The following MAP2K5 variants were observed in gnomAD, a reference collection of about 807,000 sequenced individuals.
MAP2K5 encodes the protein mitogen-activated protein kinase kinase 5.
Under a neutral mutation model 83.1 loss-of-function variants are expected in MAP2K5, and 49 were observed. The observed-to-expected ratio is 0.59, with a 90% CI of 0.47 to 0.75. MAP2K5 has a LOEUF of 0.75. MAP2K5 is among the 30% of genes least tolerant of loss of function. MAP2K5 has a pLI of 0.00. For missense variants in MAP2K5, 457 were observed against 557.5 expected, an observed-to-expected ratio of 0.82 and a Z score of 1.82; for synonymous variants, 202 against 191.8, an observed-to-expected ratio of 1.05 and a Z score of -0.44.
chr15:67,553,129 T>C (rs1173967641), intron 2 of MAP2K5, among the ~76,000 whole-genome samples: 1 of 152,140 alleles, frequency 6.6e-6, no homozygotes, highest in African/African-American at 2.4e-5. Flanking sequence ...TTGCCTAAGT[T>C]GTTAGTAATC....
At chr15:67,683,395 C>T (rs957151048) in intron 13 of MAP2K5, among the ~76,000 whole-genome samples, 2 of 152,088 alleles carry the variant, frequency 1.3e-5, no homozygotes, top group Non-Finnish European at 2.9e-5. Flanking sequence ...ATCTACATTA[C>T]CTTAAAAAAG....
rs1393079430 is a variant in MAP2K5, at chr15:67,562,106, T to C, written c.185-1177T>C. 6.6e-6 allele frequency among the ~76,000 whole-genome samples: 1 copy of C among 152,244 alleles called. No individual in the cohort carries two copies. The highest frequency in any genetic ancestry group is 2.4e-5 in the African/African-American group (1 of 41,468). On this transcript the variant is annotated intron_variant, in intron 2 of 21. Coordinates refer to ENST00000178640, the MANE Select transcript of MAP2K5 (RefSeq NM_145160.3). The surrounding 1 kb of genome is among the most constrained non-coding windows in gnomAD (Gnocchi z 4.1). ...TAATTCCGATTGTTAACACCAGAACTGAGGCATCCTGCTGAGAGCCTGCCC... is the reference window on the plus strand; with the variant it reads ...TAATTCCGATTGTTAACACCAGAACCGAGGCATCCTGCTGAGAGCCTGCCC...
In MAP2K5 at chr15:67,785,673, C is replaced by A. The variant is rs1218402740; in HGVS notation, c.1242+12921C>A. Among the ~76,000 whole-genome samples, 6 of 152,212 alleles carry A rather than the reference C, an allele frequency of 3.9e-5. No homozygotes were observed. The highest frequency in any genetic ancestry group is 1.4e-4 in the African/African-American group (6 of 41,446). On this transcript the variant is annotated intron_variant, in intron 21 of 21. Coordinates refer to ENST00000178640, the MANE Select transcript of MAP2K5 (RefSeq NM_145160.3). The surrounding 1 kb of genome is among the most constrained non-coding windows in gnomAD (Gnocchi z 4.4). ...GGCAGCAGGGGACCTGGCATGGAGC[C>A]ATGACCTCGCTCATCCTATGACCTT... is the stretch of plus-strand genomic sequence containing the variant.
At chr15:67,797,680 T>C (rs1456862395) in intron 21 of MAP2K5, among the ~76,000 whole-genome samples, 2 of 152,182 alleles carry the variant, frequency 1.3e-5, no homozygotes, top group African/African-American at 4.8e-5. Context: ...AATTCACATC[T>C]TTCATTGGTT....
At chr15:67,800,489 C>G (rs965083089) in intron 21 of MAP2K5, among the ~76,000 whole-genome samples, 1 of 152,228 alleles carries the variant, frequency 6.6e-6, no homozygotes, top group African/African-American at 2.4e-5. Context: ...AGGAAATCCT[C>G]ACTCACCTAA....
intron 8 of MAP2K5, among the ~76,000 whole-genome samples, chr15:67,624,338 C>A (rs1449155053): frequency 1.4e-3 from 108 of 78,264 alleles, no homozygotes; most frequent in South Asian, 2.9e-3. Flanking sequence ...GACTCCGTCT[C>A]AAAAAAAAAA....
At chr15:67,800,186 AT>A (rs1858392044) in intron 21 of MAP2K5, among the ~76,000 whole-genome samples, 1 of 152,232 alleles carries the variant, frequency 6.6e-6, no homozygotes, top group African/African-American at 2.4e-5. Flanking sequence ...CCTCCCATAA[AT>A]TATTTAACGT....
chr15:67,645,815 C>T (rs1316685603), intron 9 of MAP2K5, among the ~76,000 whole-genome samples: 1 of 152,000 alleles, frequency 6.6e-6, no homozygotes, highest in Non-Finnish European at 1.5e-5. Flanking sequence ...AGCCTCCCTT[C>T]CAGAGTGCTG....
At chr15:67,610,453 T>C (rs914050812) in intron 8 of MAP2K5, among the ~76,000 whole-genome samples, 4 of 152,324 alleles carry the variant, frequency 2.6e-5, no homozygotes, top group Admixed American at 6.5e-5. Flanking sequence ...TTACAGTATT[T>C]GATGTGTTCG....
In MAP2K5 at chr15:67,637,932, A is replaced by ATG. The variant is rs2086638881; in HGVS notation, c.585+7011_585+7012dup. Among the ~76,000 whole-genome samples, 1 of 94,886 alleles carries ATG rather than the reference A, an allele frequency of 1.1e-5. No homozygotes were observed. The highest frequency in any genetic ancestry group is 2.3e-5 in the Non-Finnish European group (1 of 43,522). The allele number at this position is 94,886 out of a possible 152,430, so 62.2% of individuals were successfully genotyped here. A position where few individuals can be genotyped will look rare whatever the true frequency, so the allele number is the denominator to read the frequency against. On this transcript the variant is annotated intron_variant, in intron 9 of 21. Coordinates refer to ENST00000178640, the MANE Select transcript of MAP2K5 (RefSeq NM_145160.3). The surrounding 1 kb of genome is among the most constrained non-coding windows in gnomAD (Gnocchi z 4.5). ...TTGATGTGTGTGTGAGTGTGTGTGT[A>ATG]TGTGTGTTTTAGTACCTCTTCCTTT...
chr15:67,577,520 A>T lies in MAP2K5; in HGVS notation c.253-3234A>T, dbSNP rs1303354205. On this transcript the variant is annotated intron_variant, in intron 3 of 21. Coordinates refer to ENST00000178640, the MANE Select transcript of MAP2K5 (RefSeq NM_145160.3). This position sits in a 1 kb window ranked among gnomAD's most constrained non-coding sequence, Gnocchi z 4.1. The stretch of plus-strand genomic sequence containing the variant: ...TTGTTACATTTCTGTCCAAGCTATT[A>T]TGTTCAGTATCTTAGTGTACAAAGT... Among the ~76,000 whole-genome samples, 1 of 152,212 alleles carries T rather than the reference A, an allele frequency of 6.6e-6. No homozygotes were observed. The highest frequency in any genetic ancestry group is 6.5e-5 in the Admixed American group (1 of 15,278).
At chr15:67,726,229 AGT>A (rs1323101355) in intron 16 of MAP2K5, among the ~76,000 whole-genome samples, 1 of 152,224 alleles carries the variant, frequency 6.6e-6, no homozygotes, top group Non-Finnish European at 1.5e-5. Flanking sequence ...TGTGCAAATG[AGT>A]GTGGGCCTTT....
intron 8 of MAP2K5, among the ~76,000 whole-genome samples, chr15:67,619,451 A>T (rs1015221263): frequency 4.6e-5 from 7 of 152,230 alleles, no homozygotes; most frequent in Non-Finnish European, 8.8e-5. Flanking sequence ...AATCAGAGAC[A>T]TGCATTAAGT....
At chr15:67,612,829 A>G (rs967801957) in intron 8 of MAP2K5, among the ~76,000 whole-genome samples, 3 of 152,222 alleles carry the variant, frequency 2.0e-5, no homozygotes, top group African/African-American at 7.2e-5. Flanking sequence ...AGGCATTTAC[A>G]TGGTGTAATT....
At chr15:67,634,791 T>C (rs903870960) in intron 9 of MAP2K5, among the ~76,000 whole-genome samples, 5 of 152,160 alleles carry the variant, frequency 3.3e-5, no homozygotes, top group Admixed American at 6.5e-5. Flanking sequence ...TAACCTATTG[T>C]GTCATTATTT....
At chr15:67,619,985 A>C (rs1301598035) in intron 8 of MAP2K5, among the ~76,000 whole-genome samples, 1 of 152,242 alleles carries the variant, frequency 6.6e-6, no homozygotes, top group East Asian at 1.9e-4. Flanking sequence ...CAGGAGGATC[A>C]CTTGAGCCCA....
At chr15:67,737,839 A>G (rs1277807830) in intron 17 of MAP2K5, among the ~76,000 whole-genome samples, 3 of 136,572 alleles carry the variant, frequency 2.2e-5, no homozygotes, top group Non-Finnish European at 4.6e-5. Context: ...GGGGAATAGA[A>G]TAGTCTTTTT....
intron 3 of MAP2K5, among the ~76,000 whole-genome samples, chr15:67,569,449 A>G (rs1308544909): frequency 2.0e-5 from 3 of 152,256 alleles, no homozygotes; most frequent in African/African-American, 7.2e-5. Context: ...AAATAATGAC[A>G]TGCTGCAAGC....
intron 12 of MAP2K5, chr15:67,658,953 G>A (rs2087162896): frequency 2.6e-6 from 1 of 382,472 alleles, no homozygotes; most frequent in Non-Finnish European, 5.1e-6. Context: ...CATATGATTA[G>A]CAAATACTTA....
Sources: gnomAD v4.1 joint callset for allele counts (sites outside exome capture counted in the v4.1 genomes callset) on GRCh38, gnomAD v4.1.1 for gene constraint, Gnocchi (gnomAD v3.1) non-coding constraint, MANE v1.5 for transcripts, NCBI Gene and HGNC (gene_info 2026-07-23, HGNC 2026-07-21) for gene names.